The following ATG7 variants were observed in gnomAD, a reference collection of about 807,000 sequenced individuals.
The protein encoded by ATG7 is autophagy related 7.
In ATG7, 70 loss-of-function variants were observed where a neutral mutation model predicts 82.4. The observed-to-expected ratio is 0.85, with a 90% confidence interval of 0.70 to 1.04. The LOEUF is 1.04. Among genes scored for constraint, ATG7 ranks in the 50% least tolerant of loss-of-function variants. The probability of loss-of-function intolerance (pLI) is 0.00; values close to 1 mark genes in which losing one functional copy is unlikely to be tolerated. For synonymous variants in ATG7, 287 were observed against 313.0 expected (o/e 0.92, Z 0.88); for missense variants, 792 against 864.3 (o/e 0.92, Z 1.05).
At chr3:11,517,936 T>C (rs987222619) in intron 20 of ATG7, among the ~76,000 whole-genome samples, 1 of 152,078 alleles carries the variant, frequency 6.6e-6, no homozygotes, top group African/African-American at 2.4e-5. Context: ...ATGGGCACAG[T>C]GTGAGGGATG....
At chr3:11,455,104 G>A (rs1327864646) in intron 20 of ATG7, among the ~76,000 whole-genome samples, 2 of 152,174 alleles carry the variant, frequency 1.3e-5, no homozygotes, top group African/African-American at 4.8e-5. Context: ...TACAGATAGA[G>A]TCACACATTA....
chr3:11,440,626 T>C (rs1285015945), intron 20 of ATG7, among the ~76,000 whole-genome samples: 1 of 148,076 alleles, frequency 6.8e-6, no homozygotes, highest in Non-Finnish European at 1.5e-5. Context: ...GCCCGGCCTT[T>C]ACTCTTAATT....
chr3:11,534,562 G>C (rs534936096), intron 20 of ATG7, among the ~76,000 whole-genome samples: 3 of 152,244 alleles, frequency 2.0e-5, no homozygotes, highest in African/African-American at 7.2e-5. Context: ...TTCATGCCGG[G>C]TGGCTACGTG....
intron 18 of ATG7, 48 bp from the exon 19 acceptor site, chr3:11,379,924 T>A (rs753576659): frequency 6.4e-7 from 1 of 1,561,686 alleles, no homozygotes; most frequent in South Asian, 1.1e-5. Flanking sequence ...TTCATAGATG[T>A]GGTCGTTGTG....
intron 12 of ATG7, among the ~76,000 whole-genome samples, chr3:11,341,629 G>A (rs1283536832): frequency 6.6e-6 from 1 of 151,902 alleles, no homozygotes; most frequent in Non-Finnish European, 1.5e-5. Context: ...TGTAATTTTA[G>A]TAGAGAGAGG....
intron 19 of ATG7, among the ~76,000 whole-genome samples, chr3:11,406,088 C>T (rs1438675684): frequency 6.6e-6 from 1 of 151,920 alleles, no homozygotes; most frequent in Non-Finnish European, 1.5e-5. Flanking sequence ...CTCCCAGGCT[C>T]AAGCGATCCT....
chr3:11,535,432 G>T (rs141020269), intron 20 of ATG7, among the ~76,000 whole-genome samples: 1 of 152,282 alleles, frequency 6.6e-6, no homozygotes, highest in Non-Finnish European at 1.5e-5. Context: ...CTTCTGCGTC[G>T]GCCCTCCCTG....
chr3:11,448,138 T>TA (rs890729641), intron 20 of ATG7, among the ~76,000 whole-genome samples: 8 of 152,214 alleles, frequency 5.3e-5, no homozygotes, highest in Non-Finnish European at 8.8e-5. Context: ...TAACCACAGA[T>TA]ACCAGAAAAG....
rs369613167 is a variant in ATG7 at position 11,511,728 on chromosome 3, T to C, written c.2080-43083T>C. ...CTCAGGCATGGTGGGCTGCAGGTCC[T>C]GAGCCCTGCCCCGAGGGAAGGCAGC... On this transcript the variant is annotated intron_variant, in intron 20 of 20. Coordinates refer to ENST00000693202, the MANE Select transcript of ATG7 (RefSeq NM_001349232.2). 3.5e-4 allele frequency among the ~76,000 whole-genome samples: 53 copies of C among 152,276 alleles called. No homozygotes were observed. In the South Asian group the frequency reaches 5.2e-3, roughly 15 times the overall value.
chr3:11,379,346 G>C (rs538299804), intron 18 of ATG7, among the ~76,000 whole-genome samples: 7 of 152,240 alleles, frequency 4.6e-5, no homozygotes, highest in African/African-American at 1.7e-4. Flanking sequence ...GTTATAGTTT[G>C]TGAAACCTGA....
chr3:11,378,276 C>G (rs930247922), intron 18 of ATG7, among the ~76,000 whole-genome samples: 4 of 151,080 alleles, frequency 2.6e-5, no homozygotes, highest in Non-Finnish European at 5.9e-5. Flanking sequence ...CTCAGCCTCC[C>G]AAAGTGCTAG....
chr3:11,433,022 T>G (rs1366832514), intron 20 of ATG7, among the ~76,000 whole-genome samples: 1 of 152,130 alleles, frequency 6.6e-6, no homozygotes, highest in African/African-American at 2.4e-5. Flanking sequence ...ATGGGTACAG[T>G]GGCTTACACC....
At chr3:11,574,789 G>GTA in the ATG7 span, among the ~76,000 whole-genome samples, 229 of 85,652 alleles carry the variant, frequency 2.7e-3, 1 homozygote, top group African/African-American at 0.012. Context: ...CTATATATGT[G>GTA]TGTGTGTGTG....
intron 9 of ATG7, among the ~76,000 whole-genome samples, chr3:11,315,932 T>G (rs971000083): frequency 8.5e-5 from 13 of 152,134 alleles, no homozygotes; most frequent in African/African-American, 2.9e-4. Flanking sequence ...GAGGTTTCAC[T>G]ATGTTGGCCA....
At chr3:11,434,747 C>G (rs2083219438) in intron 20 of ATG7, among the ~76,000 whole-genome samples, 1 of 152,094 alleles carries the variant, frequency 6.6e-6, no homozygotes, top group East Asian at 1.9e-4. Flanking sequence ...AGTTCCCCAC[C>G]CTTCGGAAAA....
At chr3:11,534,575 G>A (rs1447346992) in intron 20 of ATG7, among the ~76,000 whole-genome samples, 3 of 152,242 alleles carry the variant, frequency 2.0e-5, no homozygotes, top group Admixed American at 6.5e-5. Flanking sequence ...GCTACGTGCC[G>A]CCAGGCAGGG....
intron 20 of ATG7, among the ~76,000 whole-genome samples, chr3:11,551,095 C>A (rs890447631): frequency 6.6e-6 from 1 of 152,210 alleles, no homozygotes; most frequent in African/African-American, 2.4e-5. Flanking sequence ...ACTCCCCAGG[C>A]CATTATCATT....
chr3:11,553,484 A>G (rs2072034508), intron 20 of ATG7, among the ~76,000 whole-genome samples: 1 of 152,158 alleles, frequency 6.6e-6, no homozygotes, highest in Non-Finnish European at 1.5e-5. Context: ...GATCAGATCC[A>G]GGAGCTCCTA....
At chr3:11,541,298 C>G (rs2070813624) in intron 20 of ATG7, among the ~76,000 whole-genome samples, 1 of 152,196 alleles carries the variant, frequency 6.6e-6, no homozygotes, top group South Asian at 2.1e-4. Context: ...ATGTGGTTAT[C>G]TAATTGTTCC....
Sources: gnomAD v4.1 joint callset for allele counts (sites outside exome capture counted in the v4.1 genomes callset) on GRCh38, gnomAD v4.1.1 for gene constraint, MANE v1.5 for transcripts, NCBI Gene and HGNC (gene_info 2026-07-23, HGNC 2026-07-21) for gene names.